Variants in DGLUCY observed in about 807,000 individuals in gnomAD.
DGLUCY encodes D-glutamate cyclase, also known as D-glutamate cyclase, mitochondrial.
In DGLUCY, 58 loss-of-function variants were observed where a neutral mutation model predicts 58.5. The observed-to-expected ratio is 0.99, with a 90% confidence interval of 0.80 to 1.23. DGLUCY has a LOEUF of 1.23. Among genes scored for constraint, DGLUCY ranks in the 50% most tolerant of loss-of-function variants. The pLI, the probability that DGLUCY is intolerant of heterozygous loss-of-function variation, is 0.00. For missense variants in DGLUCY, 779 were observed against 784.7 expected, an observed-to-expected ratio of 0.99 and a Z score of 0.09; for synonymous variants, 325 against 314.1, an observed-to-expected ratio of 1.03 and a Z score of -0.37.
rs745934410 is a variant in DGLUCY at position 91,062,546 on chromosome 14, T to TA, written c.-82+1855dup. On this transcript the variant is annotated intron_variant, in intron 1 of 4. Transcript: ENST00000521334. ...CTGGGCAACAGAGCGAGACTCTGTC[T>TA]AAAAAAAAAAAAATATATATATATA... is the stretch of plus-strand genomic sequence containing the variant. Among the ~76,000 whole-genome samples, 133 of 18,156 alleles carry TA rather than the reference T, an allele frequency of 7.3e-3. 12 individuals carry two copies. The highest frequency in any genetic ancestry group is 0.011 in the South Asian group (5 of 476). 11.9% of individuals were successfully genotyped at this position (18,156 alleles called of 152,430 possible). A position where few individuals can be genotyped will look rare whatever the true frequency, so the allele number is the denominator to read the frequency against.
intron 5 of DGLUCY, 22 bp from the exon 6 acceptor site, chr14:91,173,267 A>ATTTTT: frequency 1.4e-6 from 2 of 1,420,366 alleles, no homozygotes; most frequent in African/African-American, 2.9e-5. Context: ...TTTTCACTTG[A>ATTTTT]TTTTTTTTTT....
At chr14:91,112,681 G>A (rs2044726592), upstream of DGLUCY, among the ~76,000 whole-genome samples, 1 of 151,450 alleles carries the variant, frequency 6.6e-6, no homozygotes, top group Non-Finnish European at 1.5e-5. Flanking sequence ...TAACAAAAGA[G>A]AAAAAGAAGC....
At chr14:91,076,002 A>G (rs2044014113) in intron 1 of DGLUCY, among the ~76,000 whole-genome samples, 1 of 152,052 alleles carries the variant, frequency 6.6e-6, no homozygotes, top group Admixed American at 6.5e-5. Context: ...AATCCCAGCT[A>G]CTTGGGAGAC....
At chr14:91,095,190 G>A (rs1029712912) in intron 1 of DGLUCY, among the ~76,000 whole-genome samples, 1 of 152,114 alleles carries the variant, frequency 6.6e-6, no homozygotes. Flanking sequence ...CATCCTCGGC[G>A]GTCCTGCCTT....
intron 12 of DGLUCY, among the ~76,000 whole-genome samples, chr14:91,215,182 T>C (rs1179896750): frequency 6.6e-6 from 1 of 152,116 alleles, no homozygotes; most frequent in Non-Finnish European, 1.5e-5. Flanking sequence ...TAAATACAAA[T>C]AAAGAAAATT....
chr14:91,123,524 A>C (rs557478204), intron 1 of DGLUCY, among the ~76,000 whole-genome samples: 1 of 152,060 alleles, frequency 6.6e-6, no homozygotes, highest in Admixed American at 6.5e-5. Context: ...CAGAAACGTT[A>C]AACTCTCACT....
chr14:91,188,564 G>A (rs906160353), intron 8 of DGLUCY, among the ~76,000 whole-genome samples: 5 of 152,178 alleles, frequency 3.3e-5, no homozygotes, highest in East Asian at 3.8e-4. Context: ...GGTGGCTCAC[G>A]CCTGTAATCC....
intron 1 of DGLUCY, among the ~76,000 whole-genome samples, chr14:91,116,942 C>CAA (rs11442546): frequency 0.013 from 1,859 of 142,498 alleles, 41 homozygotes; most frequent in African/African-American, 0.043. Context: ...GAGTCTGTCT[C>CAA]AAAAAAAAAA....
chr14:91,150,582 C>A (rs2047270167), intron 1 of DGLUCY, among the ~76,000 whole-genome samples: 1 of 151,982 alleles, frequency 6.6e-6, no homozygotes, highest in Admixed American at 6.6e-5. Context: ...GCTGGGATTA[C>A]AGGTGCACGC....
chr14:91,149,949 G>A (rs567887274), intron 1 of DGLUCY, among the ~76,000 whole-genome samples: 35 of 152,182 alleles, frequency 2.3e-4, no homozygotes, highest in African/African-American at 7.2e-4. Context: ...GGCTGGGTGC[G>A]GTGGCTCACA....
At chr14:91,189,446 T>C (rs759664878) in intron 9 of DGLUCY, among the ~76,000 whole-genome samples, 1 of 152,090 alleles carries the variant, frequency 6.6e-6, no homozygotes, top group Non-Finnish European at 1.5e-5. Context: ...CCCTTTGCAG[T>C]GTGGGGAATG....
At chr14:91,077,602 A>T (rs913944767) in intron 1 of DGLUCY, among the ~76,000 whole-genome samples, 1 of 151,752 alleles carries the variant, frequency 6.6e-6, no homozygotes, top group Admixed American at 6.6e-5. Flanking sequence ...AAATACAAAA[A>T]TTAGCTGGGT....
At chr14:91,122,958 A>G (rs1247012719) in intron 1 of DGLUCY, among the ~76,000 whole-genome samples, 2 of 152,148 alleles carry the variant, frequency 1.3e-5, no homozygotes, top group South Asian at 2.1e-4. Flanking sequence ...GGCACTCACT[A>G]TGTAGCCGGC....
rs1488259002 is a variant in DGLUCY, at chr14:91,085,604, C to T, written c.-82+24900C>T. Among the ~76,000 whole-genome samples the T allele has an allele frequency of 7.4e-5, 11 of 147,898 alleles. 1 individual carries two copies. In the East Asian group the frequency reaches 2.2e-3, roughly 29 times the overall value. On this transcript the variant is annotated intron_variant, in intron 1 of 4. Transcript: ENST00000521334. ...AGTATGTGTGTGACGGAGTCTCACT[C>T]TATTCCCCAGGCTGGAGTGCAATGG...
At chr14:91,223,703 G>A in intron 13 of DGLUCY, 3 of 1,288,468 alleles carry the variant, frequency 2.3e-6, no homozygotes, top group Non-Finnish European at 3.0e-6. Context: ...AAAGCTCTAG[G>A]CTAAAGGCCA....
In DGLUCY at chr14:91,068,862, A is replaced by G. The variant is rs143727659; in HGVS notation, c.-82+8158A>G. 1.2e-3 allele frequency among the ~76,000 whole-genome samples: 176 copies of G among 152,320 alleles called. 1 individual carries two copies. The highest frequency in any genetic ancestry group is 4.1e-3 in the African/African-American group (169 of 41,572). ...GCCTGCCAAATACTGCAAAGTCTGT[A>G]CTAAAATTGATGAAATGCTAAGAGT... On this transcript the variant is annotated intron_variant, in intron 1 of 4. Transcript: ENST00000521334.
At chr14:91,066,293 A>C (rs987365314) in intron 1 of DGLUCY, among the ~76,000 whole-genome samples, 13 of 150,864 alleles carry the variant, frequency 8.6e-5, no homozygotes, top group Non-Finnish European at 1.6e-4. Flanking sequence ...CAGGAGAATC[A>C]CTTGAACCCG....
At position 91,069,872 on chromosome 14, in the gene DGLUCY, C is replaced by T. The variant is rs540842363; in HGVS notation, c.-82+9168C>T. Among the ~76,000 whole-genome samples, 63 of 151,274 alleles carry T rather than the reference C, an allele frequency of 4.2e-4. No individual in the cohort carries two copies. In the South Asian group the frequency reaches 0.013, roughly 31 times the overall value. ...CTTGGCTCACTGCAACCTCCCCCTC[C>T]AGGGTTCAAGTGATTCTCCTGCCTC... On this transcript the variant is annotated intron_variant, in intron 1 of 4. Coordinates refer to the DGLUCY transcript ENST00000521334.
intron 1 of DGLUCY, among the ~76,000 whole-genome samples, chr14:91,074,325 A>ATG: frequency 6.8e-6 from 1 of 146,808 alleles, no homozygotes; most frequent in African/African-American, 2.5e-5. Context: ...ATATATATAT[A>ATG]TATATAAACC....
Sources: gnomAD v4.1 joint callset for allele counts (sites outside exome capture counted in the v4.1 genomes callset) on GRCh38, gnomAD v4.1.1 for gene constraint, MANE v1.5 for transcripts, NCBI Gene and HGNC (gene_info 2026-07-23, HGNC 2026-07-21) for gene names.